Variants in CHIC1 observed in about 807,000 individuals in gnomAD.
CHIC1 encodes the protein cysteine-rich hydrophobic domain-containing protein 1.
CHIC1 carries 7 observed loss-of-function variants against 18.5 expected under a neutral mutation model. That is an observed-to-expected ratio of 0.38 (90% CI 0.22 to 0.71). The LOEUF is 0.71. CHIC1 is among the 30% of genes least tolerant of loss of function. The pLI is 0.49. For missense variants in CHIC1, 159 were observed against 176.9 expected (o/e 0.90, Z 0.57); for synonymous variants, 77 against 73.5 (o/e 1.05, Z -0.25).
At chrX:73,582,546 T>C (rs920849683) in intron 2 of CHIC1, among the ~76,000 whole-genome samples, 2 of 110,371 alleles carry the variant, frequency 1.8e-5, no homozygotes, top group African/African-American at 6.6e-5. Context: ...ATTATCCTTT[T>C]GTTTATAATG....
At chrX:73,612,610 G>T (rs1216577815) in intron 3 of CHIC1, among the ~76,000 whole-genome samples, 1 of 111,606 alleles carries the variant, frequency 9.0e-6, no homozygotes, top group Non-Finnish European at 1.9e-5. Flanking sequence ...TGTATTTGCA[G>T]AGTTTCCTAC....
intron 3 of CHIC1, among the ~76,000 whole-genome samples, chrX:73,587,940 G>T (rs1274115412): frequency 9.0e-6 from 1 of 111,097 alleles, no homozygotes; most frequent in Non-Finnish European, 1.9e-5. Flanking sequence ...TTTATGGCAT[G>T]TTAATACTAA....
chrX:73,622,611 A>C (rs1432401942), intron 3 of CHIC1, among the ~76,000 whole-genome samples: 1 of 110,744 alleles, frequency 9.0e-6, no homozygotes, highest in East Asian at 2.8e-4. Context: ...CAGTCTAACT[A>C]TTTTGTTAAT....
At chrX:73,574,006 A>G in intron 1 of CHIC1, among the ~76,000 whole-genome samples, 1 of 109,852 alleles carries the variant, frequency 9.1e-6, no homozygotes, top group Non-Finnish European at 1.9e-5. Context: ...TTCTTGTTCC[A>G]GTTCTCAAGG....
intron 3 of CHIC1, among the ~76,000 whole-genome samples, chrX:73,651,805 C>T (rs934919616): frequency 3.8e-4 from 42 of 111,614 alleles, no homozygotes; most frequent in Non-Finnish European, 7.2e-4. Flanking sequence ...TGAACATGGC[C>T]GTACTGCCCA....
intron 3 of CHIC1, among the ~76,000 whole-genome samples, chrX:73,670,913 G>GT (rs1183387963): frequency 9.0e-6 from 1 of 111,625 alleles, no homozygotes; most frequent in Non-Finnish European, 1.9e-5. Context: ...ATTTGAGACA[G>GT]TTTTTTACTT....
chrX:73,564,875 C>A (rs2057437861), intron 1 of CHIC1, among the ~76,000 whole-genome samples: 1 of 99,358 alleles, frequency 1.0e-5, no homozygotes, highest in African/African-American at 3.8e-5. Flanking sequence ...TGGCTCACTG[C>A]AGCCTCTGCC....
At chrX:73,643,543 A>G (rs2057870343) in intron 3 of CHIC1, among the ~76,000 whole-genome samples, 1 of 111,294 alleles carries the variant, frequency 9.0e-6, no homozygotes, top group South Asian at 3.8e-4. Context: ...ATAGTCCCAT[A>G]TTTCTTGGAG....
chrX:73,637,101 C>T (rs764246822), intron 3 of CHIC1, among the ~76,000 whole-genome samples: 2 of 110,789 alleles, frequency 1.8e-5, no homozygotes, highest in South Asian at 7.7e-4. Flanking sequence ...TATCTTAGAA[C>T]GTCTTAATTT....
At chrX:73,612,771 C>T (rs1483059666) in intron 3 of CHIC1, among the ~76,000 whole-genome samples, 3 of 111,979 alleles carry the variant, frequency 2.7e-5, no homozygotes, top group Admixed American at 9.5e-5. Flanking sequence ...ATTAGAAGAA[C>T]GTGGATTCTG....
intron 3 of CHIC1, among the ~76,000 whole-genome samples, chrX:73,599,799 G>T (rs1445060772): frequency 8.4e-5 from 9 of 107,345 alleles, no homozygotes; most frequent in Admixed American, 2.0e-4. Flanking sequence ...TGGCTTAGGA[G>T]TGACTTGGCA....
At chrX:73,628,905 T>A (rs1272568477) in intron 3 of CHIC1, among the ~76,000 whole-genome samples, 1 of 111,410 alleles carries the variant, frequency 9.0e-6, no homozygotes, top group Non-Finnish European at 1.9e-5. Flanking sequence ...GGAAACTCCA[T>A]ACTCTTCTAC....
intron 3 of CHIC1, among the ~76,000 whole-genome samples, chrX:73,655,916 A>T: frequency 9.0e-6 from 1 of 111,091 alleles, no homozygotes; most frequent in African/African-American, 3.3e-5. Context: ...AAACTAATTT[A>T]CACTCCCACC....
rs1261977457 is a variant in CHIC1 at position 73,684,519 on chromosome X, C to T, written c.*3514C>T. 1 of 111,223 alleles carries T rather than the reference C, an allele frequency of 9.0e-6. No individual in the cohort carries two copies. Among genetic ancestry groups the T allele is most frequent in the East Asian group, 2.8e-4 (1 of 3,549 alleles). The allele number at this position is 111,223 out of a possible 1,213,427, so 9.2% of individuals were successfully genotyped here. On this transcript the variant is annotated 3_prime_UTR_variant, in exon 6 of 6. Coordinates refer to ENST00000373502, the MANE Select transcript of CHIC1 (RefSeq NM_001039840.4). ...AAAACCTCACTACTTGAACATAAAG[C>T]TCCCAAACAATATTGTATTAAAATG...
intron 3 of CHIC1, among the ~76,000 whole-genome samples, chrX:73,668,429 G>A (rs1326862810): frequency 8.9e-6 from 1 of 112,189 alleles, no homozygotes; most frequent in Non-Finnish European, 1.9e-5. Flanking sequence ...TCATTTGGAG[G>A]AACAGGGGCA....
intron 3 of CHIC1, among the ~76,000 whole-genome samples, chrX:73,655,263 G>T (rs181335521): frequency 6.5e-4 from 69 of 106,884 alleles, no homozygotes; most frequent in Non-Finnish European, 5.4e-4. Context: ...ATAATATTCC[G>T]TGGTGGTGGT....
At chrX:73,594,580 A>G (rs977407657) in intron 3 of CHIC1, among the ~76,000 whole-genome samples, 4 of 112,215 alleles carry the variant, frequency 3.6e-5, no homozygotes, top group African/African-American at 1.3e-4. Flanking sequence ...GGGCCAGCAG[A>G]TAGGATTTTA....
chrX:73,632,038 T>C (rs2057809435), intron 3 of CHIC1, among the ~76,000 whole-genome samples: 1 of 112,237 alleles, frequency 8.9e-6, no homozygotes, highest in Admixed American at 9.4e-5. Flanking sequence ...TGCGAATGTC[T>C]GTTAGGTCTA....
intron 1 of CHIC1, among the ~76,000 whole-genome samples, chrX:73,575,812 C>G (rs2057494815): frequency 9.1e-6 from 1 of 109,728 alleles, no homozygotes; most frequent in African/African-American, 3.3e-5. Context: ...ATTCTTTGTT[C>G]CATAATAAAT....
Sources: allele counts gnomAD v4.1 joint callset (sites outside exome capture counted in the v4.1 genomes callset), GRCh38; gene constraint gnomAD v4.1.1; transcripts MANE v1.5; gene names NCBI Gene and HGNC (gene_info 2026-07-23, HGNC 2026-07-21).